The following ZFHX3 variants were observed in gnomAD, a reference collection of about 807,000 sequenced individuals.
ZFHX3 encodes the protein zinc finger homeobox 3.
Under a neutral mutation model 279.1 loss-of-function variants are expected in ZFHX3, and 42 were observed. The ratio of observed to expected loss-of-function variants is 0.15; its 90% CI spans 0.12 to 0.19. ZFHX3 has a LOEUF of 0.19. ZFHX3 is among the 10% of genes least tolerant of loss of function. ZFHX3 has a pLI of 1.00. For missense variants in ZFHX3, 4,981 were observed against 4,754.0 expected, an observed-to-expected ratio of 1.05 and a Z score of -1.40; for synonymous variants, 2,293 against 1,957.8, an observed-to-expected ratio of 1.17 and a Z score of -4.52.
At chr16:73,327,773 T>G (rs763162248) in intron 3 of ZFHX3, among the ~76,000 whole-genome samples, 7 of 152,222 alleles carry the variant, frequency 4.6e-5, no homozygotes, top group Non-Finnish European at 8.8e-5. Flanking sequence ...AACTGCAATC[T>G]CACATTCACC....
intron 4 of ZFHX3, among the ~76,000 whole-genome samples, chr16:72,876,105 C>T (rs1409730195): frequency 6.6e-6 from 1 of 152,134 alleles, no homozygotes; most frequent in Non-Finnish European, 1.5e-5. Flanking sequence ...TATTTTTATC[C>T]CAACTTCGCC....
chr16:73,662,168 G>C (rs2052792402), intron 2 of ZFHX3, among the ~76,000 whole-genome samples: 1 of 152,032 alleles, frequency 6.6e-6, no homozygotes, highest in Admixed American at 6.6e-5. Flanking sequence ...ATATTACAAG[G>C]TGATATAATC....
At chr16:73,821,580 C>G (rs552545624) in intron 1 of ZFHX3, among the ~76,000 whole-genome samples, 49 of 152,350 alleles carry the variant, frequency 3.2e-4, no homozygotes, top group Non-Finnish European at 5.9e-4. Context: ...TCAAAGTGCA[C>G]AGCGTGGTGC....
intron 6 of ZFHX3, 43 bp downstream of exon 6, chr16:72,811,862 A>T: frequency 1.2e-6 from 2 of 1,609,186 alleles, no homozygotes; most frequent in Non-Finnish European, 1.7e-6. Flanking sequence ...CCAATGTCTA[A>T]AACACCTCAC....
intron 1 of ZFHX3, among the ~76,000 whole-genome samples, chr16:73,734,314 T>C (rs1204438776): frequency 6.6e-6 from 1 of 152,226 alleles, no homozygotes; most frequent in African/African-American, 2.4e-5. Context: ...ATGGAGCTAC[T>C]CTTTAAAAAT....
At chr16:73,324,177 C>G (rs902227629) in intron 3 of ZFHX3, among the ~76,000 whole-genome samples, 10 of 152,224 alleles carry the variant, frequency 6.6e-5, no homozygotes, top group Admixed American at 2.0e-4. Flanking sequence ...ACAGTTGCAA[C>G]TGAGTCAGAT....
rs150096812 is a variant in ZFHX3 at position 72,797,063 on chromosome 16, G to T, written c.5619C>A (p.His1873Gln). 2.7e-5 allele frequency: 43 copies of T among 1,613,776 alleles called. No individual in the cohort carries two copies. The South Asian group carries it at 4.4e-4, about 16-fold the overall frequency. The change falls in exon 9 of 10, where the codon CAC (histidine) becomes CAA (glutamine). Residue 1873 changes from histidine to glutamine, a missense_variant. Physicochemically the swap from His to Gln is conservative, Grantham distance 24. Coordinates refer to ENST00000268489, the MANE Select transcript of ZFHX3 (RefSeq NM_006885.4). ...SHSALLQPSQ[H>Q]PEKKNKLVIK... Reference sequence around the variant, plus strand: ...TGACCAATTTGTTCTTCTTTTCGGGGTGCTGGCTTGGCTGAAGGAGGGCAG... The same window carrying T: ...TGACCAATTTGTTCTTCTTTTCGGGTTGCTGGCTTGGCTGAAGGAGGGCAG...
At position 73,632,555 on chromosome 16, in the gene ZFHX3, G is replaced by A. The variant is rs189662764; in HGVS notation, c.-1547+47625C>T. On this transcript the variant is annotated intron_variant, in intron 2 of 17. Transcript: ENST00000641206. Reference sequence around the variant, plus strand: ...ACAAAAATTAGCTGGGCATGGTGGCGCGCACCTGTAGTCCCAGCTACTCAG... The same window carrying A: ...ACAAAAATTAGCTGGGCATGGTGGCACGCACCTGTAGTCCCAGCTACTCAG... Among the ~76,000 whole-genome samples, 479 of 151,982 alleles carry A rather than the reference G, an allele frequency of 3.2e-3. 4 individuals are homozygous for A. Among genetic ancestry groups the A allele is most frequent in the African/African-American group, 9.4e-3 (389 of 41,458 alleles).
At position 73,494,611 on chromosome 16, in the gene ZFHX3, A is replaced by G. The variant is rs1441680202; in HGVS notation, c.-1546-38353T>C. Among the ~76,000 whole-genome samples the G allele has an allele frequency of 2.0e-5, 3 of 152,096 alleles. No individual in the cohort carries two copies. In the East Asian group the frequency reaches 5.8e-4, roughly 29 times the overall value. Reference sequence around the variant, plus strand: ...TTTTTGCTCTTGTTGCCCAAGCTGGAGTGCAATGGTGTGATCTCGGCTCAC... The same window carrying G: ...TTTTTGCTCTTGTTGCCCAAGCTGGGGTGCAATGGTGTGATCTCGGCTCAC... On this transcript the variant is annotated intron_variant, in intron 2 of 17. Coordinates refer to the ZFHX3 transcript ENST00000641206.
At chr16:73,678,266 T>G (rs1335768173) in intron 2 of ZFHX3, among the ~76,000 whole-genome samples, 3 of 152,152 alleles carry the variant, frequency 2.0e-5, no homozygotes, top group Non-Finnish European at 2.9e-5. Flanking sequence ...AAAGTCACAC[T>G]GTAGAAGACC....
chr16:73,621,588 G>T (rs1382527199), intron 2 of ZFHX3, among the ~76,000 whole-genome samples: 2 of 152,160 alleles, frequency 1.3e-5, no homozygotes, highest in South Asian at 4.1e-4. Flanking sequence ...GCATCGGGGA[G>T]GGAGAACAGT....
At chr16:73,584,861 G>A (rs2051906994) in intron 2 of ZFHX3, among the ~76,000 whole-genome samples, 1 of 152,074 alleles carries the variant, frequency 6.6e-6, no homozygotes, top group Non-Finnish European at 1.5e-5. Context: ...CTAATATCCA[G>A]AATCTACAAT....
chr16:73,472,268 T>TAAAA (rs199783028), intron 2 of ZFHX3, among the ~76,000 whole-genome samples: 4 of 132,358 alleles, frequency 3.0e-5, no homozygotes, highest in Admixed American at 1.5e-4. Flanking sequence ...TTTTAAATCT[T>TAAAA]AAAAAAAAAA....
chr16:73,701,353 T>C (rs2053244650), intron 1 of ZFHX3, among the ~76,000 whole-genome samples: 1 of 152,186 alleles, frequency 6.6e-6, no homozygotes, highest in African/African-American at 2.4e-5. Context: ...AAACAAAAGA[T>C]TTTAATTATA....
chr16:72,900,262 A>G (rs1265827031), intron 3 of ZFHX3, among the ~76,000 whole-genome samples: 1 of 152,172 alleles, frequency 6.6e-6, no homozygotes, highest in Non-Finnish European at 1.5e-5. Flanking sequence ...AGGAGCAGGG[A>G]AGGGAGGAGA....
At chr16:73,050,678 G>A (rs1489255166), upstream of ZFHX3, among the ~76,000 whole-genome samples, 3 of 152,156 alleles carry the variant, frequency 2.0e-5, no homozygotes, top group Non-Finnish European at 1.5e-5. Context: ...GCTCTTCGGA[G>A]GGCAGCTGCC....
intron 3 of ZFHX3, among the ~76,000 whole-genome samples, chr16:72,923,053 A>G (rs1567585792): frequency 6.6e-6 from 1 of 152,104 alleles, no homozygotes. Context: ...ACATCAGAGT[A>G]TATGTGTATA....
At chr16:73,870,642 A>C (rs7193754) in intron 1 of ZFHX3, among the ~76,000 whole-genome samples, 6,054 of 152,276 alleles carry the variant, frequency 0.04, 427 homozygotes, top group African/African-American at 0.14. Flanking sequence ...CTGTGCTCAA[A>C]AAGTCACTCA....
intron 3 of ZFHX3, among the ~76,000 whole-genome samples, chr16:73,345,647 G>A (rs931750855): frequency 2.2e-4 from 33 of 152,104 alleles, no homozygotes; most frequent in Non-Finnish European, 3.8e-4. Context: ...TCACTGATGG[G>A]CATTTGGGTT....
Sources: allele counts gnomAD v4.1 joint callset (sites outside exome capture counted in the v4.1 genomes callset), GRCh38; gene constraint gnomAD v4.1.1; transcripts MANE v1.5; gene names NCBI Gene and HGNC (gene_info 2026-07-23, HGNC 2026-07-21).